The following NINJ2 variants were observed in gnomAD, a reference collection of about 807,000 sequenced individuals.
The protein encoded by NINJ2 is ninjurin-2.
In NINJ2, 12 loss-of-function variants were observed where a neutral mutation model predicts 11.7. The observed-to-expected ratio is 1.02, with a 90% CI of 0.66 to 1.66. The LOEUF is 1.66. Among genes scored for constraint, NINJ2 ranks in the 40% most tolerant of loss-of-function variants. The probability of loss-of-function intolerance (pLI) is 0.00; values close to 1 mark genes in which losing one functional copy is unlikely to be tolerated. For synonymous variants in NINJ2, 93 were observed against 76.8 expected (o/e 1.21, Z -1.10); for missense variants, 187 against 181.8 (o/e 1.03, Z -0.16).
At chr12:592,721 T>C (rs1241336139) in intron 1 of NINJ2, among the ~76,000 whole-genome samples, 1 of 152,078 alleles carries the variant, frequency 6.6e-6, no homozygotes, top group Non-Finnish European at 1.5e-5. Flanking sequence ...AAAAAATCAA[T>C]TACAAATTAT....
intron 1 of NINJ2, among the ~76,000 whole-genome samples, chr12:659,118 C>G (rs968723083): frequency 3.3e-5 from 5 of 150,348 alleles, no homozygotes; most frequent in African/African-American, 9.8e-5. Context: ...AACAAACAAA[C>G]AAACAAAAAC....
At chr12:635,025 G>A (rs935755114) in intron 1 of NINJ2, among the ~76,000 whole-genome samples, 1 of 150,824 alleles carries the variant, frequency 6.6e-6, no homozygotes, top group African/African-American at 2.4e-5. Flanking sequence ...GATTACAGGT[G>A]TCAATCACTA....
chr12:648,344 T>C (rs1438704008), intron 1 of NINJ2, among the ~76,000 whole-genome samples: 2 of 152,154 alleles, frequency 1.3e-5, no homozygotes, highest in Non-Finnish European at 2.9e-5. Flanking sequence ...TCCCAAAGTG[T>C]GGGGATTACA....
chr12:579,174 A>C (rs1531227), intron 1 of NINJ2, among the ~76,000 whole-genome samples: 51,020 of 152,112 alleles, frequency 0.34, 9,032 homozygotes, highest in Non-Finnish European at 0.4. Flanking sequence ...ATAAGAAGCA[A>C]TGAGAGCTGA....
intron 1 of NINJ2, among the ~76,000 whole-genome samples, chr12:658,220 G>T (rs1185694795): frequency 6.6e-6 from 1 of 151,960 alleles, no homozygotes; most frequent in Non-Finnish European, 1.5e-5. Flanking sequence ...AGCCAGGCTG[G>T]TCTCGAACTC....
chr12:639,030 C>T (rs1350885067), intron 1 of NINJ2, among the ~76,000 whole-genome samples: 1 of 152,048 alleles, frequency 6.6e-6, no homozygotes, highest in African/African-American at 2.4e-5. Context: ...TTATTTTGCC[C>T]CTGAAAATTA....
At chr12:568,343 G>A (rs1459641575) in intron 1 of NINJ2, among the ~76,000 whole-genome samples, 3 of 152,182 alleles carry the variant, frequency 2.0e-5, no homozygotes, top group African/African-American at 7.2e-5. Flanking sequence ...ACAGAAGGGA[G>A]CCTCTCTTCC....
intron 1 of NINJ2, among the ~76,000 whole-genome samples, chr12:583,497 G>A (rs972466080): frequency 3.3e-5 from 5 of 152,236 alleles, no homozygotes; most frequent in African/African-American, 7.2e-5. Context: ...TGGGCCTCCC[G>A]CCTGACAGCT....
At chr12:647,241 C>T (rs1267363373) in intron 1 of NINJ2, among the ~76,000 whole-genome samples, 1 of 152,248 alleles carries the variant, frequency 6.6e-6, no homozygotes, top group Non-Finnish European at 1.5e-5. Flanking sequence ...AGACGCAAGG[C>T]TGGGTGACAG....
intron 1 of NINJ2, among the ~76,000 whole-genome samples, chr12:611,558 G>C (rs547176499): frequency 1.3e-5 from 2 of 152,228 alleles, no homozygotes; most frequent in African/African-American, 4.8e-5. Context: ...GGCTGGTCTC[G>C]AACTCCTGAC....
Position 633,697 on chromosome 12 carries a change from C to T in NINJ2, c.33+29631G>A, listed in dbSNP as rs1010948518. On this transcript the variant is annotated intron_variant, in intron 1 of 3. Coordinates refer to ENST00000305108, the MANE Select transcript of NINJ2 (RefSeq NM_016533.6). The surrounding 1 kb of genome is among the most constrained non-coding windows in gnomAD (Gnocchi z 4.3). The stretch of plus-strand genomic sequence containing the variant: ...GAGCGTGGTGCCACATGCCTGTAGT[C>T]CCAGCTACTCAGGAGGCTGAGGCAG... Among the ~76,000 whole-genome samples the T allele has an allele frequency of 2.0e-5, 3 of 152,156 alleles. No individual in the cohort carries two copies. The highest frequency in any genetic ancestry group is 4.8e-5 in the African/African-American group (2 of 41,432).
Position 566,116 on chromosome 12 carries a change from G to A in NINJ2, c.96C>T (p.Ser32=), listed in dbSNP as rs539099936. The A allele has an allele frequency of 7.7e-5, 124 of 1,614,170 alleles. 1 individual carries two copies. Among genetic ancestry groups the A allele is most frequent in the South Asian group, 7.0e-4 (64 of 91,070 alleles). ...CCACGTCCAGCATGCTCTCCGCCACGCTCTTCTTGGTGGCGTAATGGTTCA... is the reference window on the plus strand; with the variant it reads ...CCACGTCCAGCATGCTCTCCGCCACACTCTTCTTGGTGGCGTAATGGTTCA... The part of the protein sequence containing the change: ...INLNHYATKK[S]VAESMLDVAL... The change falls in exon 2 of 4, where the codon AGC becomes AGT. Residue 32 remains serine (S), a synonymous_variant. Transcript: ENST00000305108.
rs973103786 is a variant in NINJ2, at chr12:653,536, G to T, written c.33+9792C>A. 2.0e-4 allele frequency among the ~76,000 whole-genome samples: 30 copies of T among 152,172 alleles called. No homozygotes were observed. The South Asian group carries it at 2.5e-3, about 13-fold the overall frequency. ...AGGTACTCACACGATCCATGAAATG[G>T]TATAGTGTTATTTGAAAGTGCACTT... On this transcript the variant is annotated intron_variant, in intron 1 of 3. Transcript: ENST00000305108.
At chr12:652,250 A>ATT (rs2120529580) in intron 1 of NINJ2, among the ~76,000 whole-genome samples, 1 of 152,370 alleles carries the variant, frequency 6.6e-6, no homozygotes, top group African/African-American at 2.4e-5. Flanking sequence ...ACATGCGGAG[A>ATT]AGAAAGTGGA....
chr12:660,662 A>C (rs2120552582), intron 1 of NINJ2, among the ~76,000 whole-genome samples: 1 of 152,122 alleles, frequency 6.6e-6, no homozygotes, highest in Non-Finnish European at 1.5e-5. Context: ...TCTAATGAAT[A>C]CTGAAACTAT....
chr12:596,372 G>A (rs754397034), intron 1 of NINJ2, among the ~76,000 whole-genome samples: 38 of 152,136 alleles, frequency 2.5e-4, no homozygotes, highest in Non-Finnish European at 4.4e-4. Context: ...TAGATGTTGC[G>A]TGATAATGAT....
chr12:598,860 C>T (rs929265701), intron 1 of NINJ2, among the ~76,000 whole-genome samples: 4 of 151,780 alleles, frequency 2.6e-5, no homozygotes, highest in Admixed American at 6.6e-5. Context: ...CCACCACACC[C>T]GGCTAGTTTT....
intron 1 of NINJ2, among the ~76,000 whole-genome samples, chr12:648,990 C>CTGTT (rs747752079): frequency 0.05 from 6,034 of 121,652 alleles, 209 homozygotes; most frequent in Non-Finnish European, 0.081. Context: ...ATCTATCTAT[C>CTGTT]TATCTGTCTA....
At chr12:595,083 C>G (rs969077237) in intron 1 of NINJ2, among the ~76,000 whole-genome samples, 2 of 151,870 alleles carry the variant, frequency 1.3e-5, no homozygotes, top group African/African-American at 4.8e-5. Flanking sequence ...TACAATGTAG[C>G]AAAGATACTC....
Sources: allele counts gnomAD v4.1 joint callset (sites outside exome capture counted in the v4.1 genomes callset), GRCh38; gene constraint gnomAD v4.1.1; non-coding constraint Gnocchi (gnomAD v3.1); transcripts MANE v1.5; gene names NCBI Gene and HGNC (gene_info 2026-07-23, HGNC 2026-07-21).